DCC: variants seen among roughly 807,000 people sequenced by gnomAD.
The protein encoded by DCC is DCC netrin 1 receptor, also known as netrin receptor DCC.
Under a neutral mutation model 172.5 loss-of-function variants are expected in DCC, and 58 were observed. The ratio of observed to expected loss-of-function variants is 0.34; its 90% confidence interval spans 0.27 to 0.42. The LOEUF is 0.42. DCC is among the 10% of genes least tolerant of loss of function. The pLI is 1.00. For missense variants in DCC, 1,740 were observed against 1,791.0 expected (o/e 0.97, Z 0.51); for synonymous variants, 709 against 644.5 (o/e 1.10, Z -1.52).
At chr18:53,298,138 AG>A in intron 12 of DCC, among the ~76,000 whole-genome samples, 1 of 152,302 alleles carries the variant, frequency 6.6e-6, no homozygotes, top group South Asian at 2.1e-4. Flanking sequence ...TGTAATCATT[AG>A]TATAATTAAG....
rs905420507 is a variant in DCC at position 52,841,534 on chromosome 18, T to A, written c.413-64510T>A. 2.0e-5 allele frequency among the ~76,000 whole-genome samples: 3 copies of A among 152,300 alleles called. No individual in the cohort carries two copies. The East Asian group carries it at 5.8e-4, about 29-fold the overall frequency. On this transcript the variant is annotated intron_variant, in intron 2 of 28. Transcript: ENST00000442544. ...ATTCTGTCCGAGAAAGGAATTGCCA[T>A]CTGCTGAGAAGTGACAATGAACTGG...
rs374363042 is a variant in DCC, at chr18:52,608,677, A to G, written c.92-143377A>G. Among the ~76,000 whole-genome samples, 197 of 152,326 alleles carry G rather than the reference A, an allele frequency of 1.3e-3. 1 individual carries two copies. Among genetic ancestry groups the G allele is most frequent in the African/African-American group, 4.4e-3 (184 of 41,580 alleles). ...GCACTGAGTGCCAACTTAAGGAACA[A>G]TAATTTTATAGGTAAGAAAGATGCC... On this transcript the variant is annotated intron_variant, in intron 1 of 28. Coordinates refer to ENST00000442544, the MANE Select transcript of DCC (RefSeq NM_005215.4).
intron 27 of DCC, among the ~76,000 whole-genome samples, chr18:53,512,916 A>G (rs1198799173): frequency 6.6e-6 from 1 of 152,214 alleles, no homozygotes; most frequent in African/African-American, 2.4e-5. Flanking sequence ...AACTTCCCCA[A>G]TCTATCAAGG....
chr18:53,426,427 A>ATATATT (rs1310692779), intron 21 of DCC, among the ~76,000 whole-genome samples: 2 of 52,138 alleles, frequency 3.8e-5, no homozygotes, highest in Non-Finnish European at 1.4e-4. Flanking sequence ...ATATATTTAT[A>ATATATT]TATTTATATT....
At chr18:53,322,192 A>T in intron 14 of DCC, 35 bp downstream of exon 14, 1 of 1,091,774 alleles carries the variant, frequency 9.2e-7, no homozygotes, top group East Asian at 2.4e-5. Flanking sequence ...CACTCTGATT[A>T]TCTTCTTGTT....
intron 1 of DCC, among the ~76,000 whole-genome samples, chr18:52,525,536 G>T (rs2031956627): frequency 6.6e-6 from 1 of 152,196 alleles, no homozygotes; most frequent in African/African-American, 2.4e-5. Context: ...TGCAATGGTT[G>T]GGATGAGTAG....
In DCC at chr18:52,609,018, G is replaced by T. The variant is rs562461455; in HGVS notation, c.92-143036G>T. ...GAAGCAAGCATCCAACTCAGACTGA[G>T]AGTCAATGCAACATGTTTCAGTAAA... On this transcript the variant is annotated intron_variant, in intron 1 of 28. Transcript: ENST00000442544. Among the ~76,000 whole-genome samples, 6 of 152,242 alleles carry T rather than the reference G, an allele frequency of 3.9e-5. No individual in the cohort carries two copies. The South Asian group carries it at 1.2e-3, about 32-fold the overall frequency.
chr18:52,947,720 C>T (rs1253090948), intron 5 of DCC, among the ~76,000 whole-genome samples: 5 of 152,166 alleles, frequency 3.3e-5, no homozygotes, highest in Non-Finnish European at 7.3e-5. Flanking sequence ...AGGGGCCGTT[C>T]CATGCCATGC....
intron 5 of DCC, among the ~76,000 whole-genome samples, chr18:52,994,113 C>T (rs890352416): frequency 6.6e-6 from 1 of 152,112 alleles, no homozygotes; most frequent in Admixed American, 6.6e-5. Context: ...TATTGCTTAA[C>T]TCTCTTACAA....
intron 23 of DCC, among the ~76,000 whole-genome samples, chr18:53,458,832 T>G (rs997855652): frequency 6.6e-6 from 1 of 152,234 alleles, no homozygotes; most frequent in Non-Finnish European, 1.5e-5. Flanking sequence ...TGGCCTTTTT[T>G]ATTTCTATTT....
chr18:53,086,011 T>TTATTATTATTATTATTATA (rs2042878954), intron 7 of DCC, among the ~76,000 whole-genome samples: 1 of 21,896 alleles, frequency 4.6e-5, no homozygotes, highest in Admixed American at 2.7e-4. Flanking sequence ...CTTCTCCTTC[T>TTATTATTATTATTATTATA]CCTTCTCCCT....
intron 1 of DCC, among the ~76,000 whole-genome samples, chr18:52,619,751 A>G (rs984154336): frequency 4.6e-5 from 7 of 152,192 alleles, no homozygotes; most frequent in African/African-American, 1.7e-4. Context: ...ATAAAATTTT[A>G]ACCTTACCTA....
chr18:52,600,921 A>T (rs903491255), intron 1 of DCC, among the ~76,000 whole-genome samples: 1 of 152,142 alleles, frequency 6.6e-6, no homozygotes, highest in Non-Finnish European at 1.5e-5. Flanking sequence ...GTAAATTGGG[A>T]TTTACTATAT....
intron 1 of DCC, among the ~76,000 whole-genome samples, chr18:52,608,299 T>C (rs1234375319): frequency 6.6e-6 from 1 of 152,180 alleles, no homozygotes; most frequent in Admixed American, 6.5e-5. Flanking sequence ...AGACCTTGTT[T>C]TGAACACCTT....
chr18:53,162,254 G>A (rs756413944), intron 8 of DCC, among the ~76,000 whole-genome samples: 25 of 146,290 alleles, frequency 1.7e-4, no homozygotes, highest in Non-Finnish European at 3.4e-4. Flanking sequence ...AGCCGAGATC[G>A]TGCTACTGCA....
At chr18:53,026,017 G>C (rs188715235) in intron 5 of DCC, among the ~76,000 whole-genome samples, 1 of 152,110 alleles carries the variant, frequency 6.6e-6, no homozygotes, top group African/African-American at 2.4e-5. Flanking sequence ...CACAGAAAAT[G>C]TTCCAATTCA....
chr18:52,372,996 T>TA (rs1985189863), intron 1 of DCC, among the ~76,000 whole-genome samples: 1 of 152,218 alleles, frequency 6.6e-6, no homozygotes, highest in Non-Finnish European at 1.5e-5. Context: ...ATTCCCACGC[T>TA]AGGTTTGATT....
intron 1 of DCC, among the ~76,000 whole-genome samples, chr18:52,746,089 T>C (rs533355979): frequency 1.3e-5 from 2 of 152,348 alleles, no homozygotes; most frequent in African/African-American, 4.8e-5. Flanking sequence ...ATGTAATTGA[T>C]ATTTGATAAA....
rs1046639496 is a variant in DCC at position 53,100,911 on chromosome 18, C to T, written c.1261+34745C>T. Among the ~76,000 whole-genome samples the T allele has an allele frequency of 2.4e-4, 37 of 152,202 alleles. 1 individual carries two copies. Among genetic ancestry groups the T allele is most frequent in the Non-Finnish European group, 8.8e-5 (6 of 67,982 alleles). On this transcript the variant is annotated intron_variant, in intron 7 of 28. Transcript: ENST00000442544. ...ATGTGGCATCTGAAAGATAACCACACAGAGCATATTTTGGAGATTCAATTT... is the reference window on the plus strand; with the variant it reads ...ATGTGGCATCTGAAAGATAACCACATAGAGCATATTTTGGAGATTCAATTT...
Sources: gnomAD v4.1 joint callset for allele counts (sites outside exome capture counted in the v4.1 genomes callset) on GRCh38, gnomAD v4.1.1 for gene constraint, MANE v1.5 for transcripts, NCBI Gene and HGNC (gene_info 2026-07-23, HGNC 2026-07-21) for gene names.